Variants in NBN observed in about 807,000 individuals in gnomAD.
NBN encodes the protein Nijmegen breakage syndrome 1 (nibrin).
A neutral mutation model predicts 90.8 loss-of-function variants in NBN; 88 were observed. The observed-to-expected ratio is 0.97, with a 90% CI of 0.82 to 1.16. NBN has a LOEUF of 1.16. Ranked by LOEUF, NBN falls within the 50% of genes most tolerant of loss-of-function variation. The pLI, the probability that NBN is intolerant of heterozygous loss-of-function variation, is 0.00. For missense variants in NBN, 894 were observed against 869.6 expected (o/e 1.03, Z -0.35); for synonymous variants, 328 against 295.1 (o/e 1.11, Z -1.14).
rs1060503461 is a variant in NBN at position 89,943,339 on chromosome 8, G to T, written c.2098C>A (p.Pro700Thr). 6.2e-7 allele frequency: 1 copy of T among 1,608,538 alleles called. No homozygotes were observed. The highest frequency in any genetic ancestry group is 1.7e-5 in the Admixed American group (1 of 60,002). ...KVTYPGAGKLPHIIGGSDLIA... is the reference protein window; with the variant it reads ...KVTYPGAGKLTHIIGGSDLIA... ...AGATCTGATCCTCCAATGATGTGTGGAAGTTTTCCTGCTCCAGGATATGTG... is the reference window on the plus strand; with the variant it reads ...AGATCTGATCCTCCAATGATGTGTGTAAGTTTTCCTGCTCCAGGATATGTG... The change falls in exon 14 of 16, where the codon CCA (proline) becomes ACA (threonine). Residue 700 changes from proline to threonine, a missense_variant. Transcript: ENST00000265433.
intron 1 of NBN, chr8:89,984,254 TGGGA>T (rs1812219274): frequency 3.5e-6 from 2 of 565,898 alleles, no homozygotes; most frequent in Non-Finnish European, 6.4e-6. Context: ...GGGGTGAGGC[TGGGA>T]GGGAGGGGGA....
chr8:89,938,447 ACTCT>A (rs13312960), intron 14 of NBN, among the ~76,000 whole-genome samples: 46 of 149,830 alleles, frequency 3.1e-4, no homozygotes, highest in South Asian at 1.5e-3. Flanking sequence ...ACTATCTTAA[ACTCT>A]CTCTCTCTCT....
chr8:89,935,387 A>G lies in NBN; in HGVS notation c.*195T>C. 1 of 603,802 alleles carries G rather than the reference A, an allele frequency of 1.7e-6. No homozygotes were observed. The highest frequency in any genetic ancestry group is 2.8e-6 in the Non-Finnish European group (1 of 352,840). 37.4% of individuals were successfully genotyped at this position (603,802 alleles called of 1,614,324 possible). ...TTAAAAATGAAAAAAAGATGCAATG[A>G]CAAAGCCTGAAAACAGAACAAACAA... On this transcript the variant is annotated 3_prime_UTR_variant, in exon 16 of 16. Coordinates refer to ENST00000265433, the MANE Select transcript of NBN (RefSeq NM_002485.5).
intron 8 of NBN, among the ~76,000 whole-genome samples, chr8:89,959,246 T>A (rs1810879571): frequency 6.6e-6 from 1 of 152,218 alleles, no homozygotes; most frequent in Non-Finnish European, 1.5e-5. Context: ...TTTATTTTCA[T>A]AAGGAATACA....
rs3736640 is a variant in NBN at position 89,943,427 on chromosome 8, T to A, written c.2071-61A>T. On this transcript the variant is annotated intron_variant, in intron 13 of 15. Transcript: ENST00000265433. Reference sequence around the variant, plus strand: ...TAACAAACAAAAATGACCATTTTTTTAAAAAGATTAAAAAGCAAAGATGGT... The same window carrying A: ...TAACAAACAAAAATGACCATTTTTTAAAAAAGATTAAAAAGCAAAGATGGT... 0.037 allele frequency: 54,534 copies of A among 1,486,034 alleles called. 1,333 individuals carry two copies. Among genetic ancestry groups the A allele is most frequent in the South Asian group, 0.092 (8,056 of 87,896 alleles). The allele number at this position is 1,486,034 out of a possible 1,614,324, so 92.1% of individuals were successfully genotyped here.
intron 2 of NBN, chr8:89,982,419 AAACT>A (rs1179457856): frequency 3.2e-5 from 13 of 408,794 alleles, no homozygotes; most frequent in Non-Finnish European, 4.9e-5. Flanking sequence ...CTTTTGCACC[AAACT>A]AATAGTAAAC....
chr8:89,951,259 C>T (rs966347060), intron 11 of NBN, among the ~76,000 whole-genome samples: 5 of 132,594 alleles, frequency 3.8e-5, no homozygotes, highest in Non-Finnish European at 7.6e-5. Context: ...TTGCAGTGAG[C>T]GGAGATCACG....
rs550129762 is a variant in NBN, at chr8:89,948,006, T to TA, written c.1846-115dup. 3.0e-4 allele frequency: 187 copies of TA among 615,494 alleles called. 1 individual carries two copies. The highest frequency in any genetic ancestry group is 2.7e-3 in the Middle Eastern group (6 of 2,248). The allele number at this position is 615,494 out of a possible 1,614,324, so 38.1% of individuals were successfully genotyped here. A position where few individuals can be genotyped will look rare whatever the true frequency, so the allele number is the denominator to read the frequency against. On this transcript the variant is annotated intron_variant, in intron 11 of 15. Transcript: ENST00000265433. ...GTAAAATGGTTCCTTTCTAAAAACT[T>TA]AAGAGATATTCATGTTATGTATGAC...
chr8:89,948,796 G>C (rs1290204354), intron 11 of NBN, among the ~76,000 whole-genome samples: 1 of 152,162 alleles, frequency 6.6e-6, no homozygotes, highest in African/African-American at 2.4e-5. Flanking sequence ...ATCATTTACA[G>C]AAAGTTGTTA....
intron 13 of NBN, among the ~76,000 whole-genome samples, 157 bp downstream of exon 13, chr8:89,945,983 G>A (rs1008706637): frequency 3.3e-5 from 5 of 152,084 alleles, no homozygotes; most frequent in Non-Finnish European, 7.4e-5. Flanking sequence ...TTCATTAACT[G>A]TAAGTTCATA....
At chr8:89,983,045 A>C (rs1239941580) in intron 1 of NBN, among the ~76,000 whole-genome samples, 190 bp from the exon 2 acceptor site, 1 of 152,220 alleles carries the variant, frequency 6.6e-6, no homozygotes, top group Non-Finnish European at 1.5e-5. Flanking sequence ...ACTGAAGGCT[A>C]TCAAAGGTTA....
chr8:89,943,420 AT>A (rs1321322768), intron 13 of NBN, 54 bp from the exon 14 acceptor site: 3 of 1,546,870 alleles, frequency 1.9e-6, no homozygotes, highest in Admixed American at 1.7e-5. Context: ...AAAAATGACC[AT>A]TTTTTTAAAA....
intron 5 of NBN, among the ~76,000 whole-genome samples, chr8:89,972,675 T>G (rs373762056): frequency 1.2e-4 from 19 of 152,336 alleles, no homozygotes; most frequent in Middle Eastern, 3.4e-3. Flanking sequence ...TTATACTTCT[T>G]TCTTAGTGTA....
At chr8:89,967,119 C>T (rs189204413) in intron 7 of NBN, among the ~76,000 whole-genome samples, 1 of 152,300 alleles carries the variant, frequency 6.6e-6, no homozygotes, top group East Asian at 1.9e-4. Context: ...TTTGCACTCT[C>T]CCCCAGTGTC....
At chr8:89,953,833 CA>C in intron 10 of NBN, 142 bp from the exon 11 acceptor site, 2 of 698,842 alleles carry the variant, frequency 2.9e-6, no homozygotes, top group Non-Finnish European at 4.8e-6. Flanking sequence ...TGGAAATCAA[CA>C]AATAGACCTT....
chr8:89,974,545 A>G, intron 5 of NBN, among the ~76,000 whole-genome samples: 1 of 152,114 alleles, frequency 6.6e-6, no homozygotes, highest in East Asian at 1.9e-4. Context: ...AACACTCCTG[A>G]GTCACAGCAA....
At position 89,984,657 on chromosome 8, in the gene NBN, G is replaced by A. The variant is rs1349441283; in HGVS notation, c.-96C>T. On this transcript the variant is annotated 5_prime_UTR_variant, in exon 1 of 16. Transcript: ENST00000265433. ...GGCGCCTGCGGTCGGCATGGGCTCC[G>A]GGACGTGCGCGCTCCCGGGAGCCAC... is the stretch of plus-strand genomic sequence containing the variant. The A allele has an allele frequency of 3.6e-5, 56 of 1,553,944 alleles. No homozygotes were observed. The highest frequency in any genetic ancestry group is 4.6e-5 in the Non-Finnish European group (53 of 1,145,450).
intron 7 of NBN, among the ~76,000 whole-genome samples, chr8:89,966,859 A>C (rs1811276995): frequency 6.6e-6 from 1 of 152,240 alleles, no homozygotes; most frequent in South Asian, 2.1e-4. Flanking sequence ...ATAAAGTCAA[A>C]AACACAAAAG....
chr8:89,965,692 G>A lies in NBN; in HGVS notation c.897-1185C>T, dbSNP rs570207155. On this transcript the variant is annotated intron_variant, in intron 7 of 15. Coordinates refer to ENST00000265433, the MANE Select transcript of NBN (RefSeq NM_002485.5). ...TTTAGTAGAGATGGGGTTTCACTAC[G>A]CTGGCCAGGCTGGTATCGAACTCCT... is the stretch of plus-strand genomic sequence containing the variant. Among the ~76,000 whole-genome samples, 6 of 152,106 alleles carry A rather than the reference G, an allele frequency of 3.9e-5. No individual in the cohort carries two copies. In the South Asian group the frequency reaches 1.0e-3, roughly 26 times the overall value.
Sources: allele counts gnomAD v4.1 joint callset (sites outside exome capture counted in the v4.1 genomes callset), GRCh38; gene constraint gnomAD v4.1.1; transcripts MANE v1.5; gene names NCBI Gene and HGNC (gene_info 2026-07-23, HGNC 2026-07-21).